The following KIF18A variants were observed in gnomAD, a reference collection of about 807,000 sequenced individuals.
KIF18A encodes kinesin family member 18A.
Under a neutral mutation model 103.3 loss-of-function variants are expected in KIF18A, and 67 were observed. The observed-to-expected ratio is 0.65, with a 90% CI of 0.53 to 0.79. The LOEUF (loss-of-function observed/expected upper bound fraction) is 0.79, where lower values mean the gene tolerates loss of function less well. KIF18A is among the 30% of genes least tolerant of loss of function. The pLI is 0.00. For synonymous variants in KIF18A, 367 were observed against 355.5 expected, an observed-to-expected ratio of 1.03 and a Z score of -0.36; for missense variants, 1,032 against 1,062.5, an observed-to-expected ratio of 0.97 and a Z score of 0.40.
At chr11:28,070,496 T>C (rs899711638) in intron 10 of KIF18A, among the ~76,000 whole-genome samples, 2 of 152,192 alleles carry the variant, frequency 1.3e-5, no homozygotes, top group Non-Finnish European at 2.9e-5. Flanking sequence ...GCAGATTCCA[T>C]TTCAGGCTAG....
chr11:28,097,603 T>G lies in KIF18A; in HGVS notation c.325+20A>C. On this transcript the variant is annotated intron_variant, in intron 2 of 16. Transcript: ENST00000263181. ...AGTGAAATCGGATAGAGAAATTAAA[T>G]CCCAAATTGAAACAAATACCTGTGC... 1 of 1,467,352 alleles carries G rather than the reference T, an allele frequency of 6.8e-7. No individual in the cohort carries two copies. The highest frequency in any genetic ancestry group is 9.6e-7 in the Non-Finnish European group (1 of 1,047,042). The allele number at this position is 1,467,352 out of a possible 1,614,324, so 90.9% of individuals were successfully genotyped here.
chr11:28,093,665 G>T (rs1048558392), intron 3 of KIF18A, among the ~76,000 whole-genome samples: 1 of 152,006 alleles, frequency 6.6e-6, no homozygotes, highest in Non-Finnish European at 1.5e-5. Context: ...TACAGAAAGG[G>T]ATTATAATCT....
chr11:28,065,213 G>C (rs1259893369), intron 11 of KIF18A, among the ~76,000 whole-genome samples: 1 of 152,038 alleles, frequency 6.6e-6, no homozygotes, highest in Non-Finnish European at 1.5e-5. Context: ...CTGGGTATCT[G>C]TCCAGAGTTG....
intron 13 of KIF18A, among the ~76,000 whole-genome samples, chr11:28,058,661 C>T (rs1266021703): frequency 3.3e-5 from 1 of 30,132 alleles, no homozygotes; most frequent in African/African-American, 1.5e-4. Flanking sequence ...GACCCTGTCA[C>T]CAAAAAAAAA....
intron 10 of KIF18A, 34 bp downstream of exon 10, chr11:28,076,973 C>T (rs1304907623): frequency 2.1e-5 from 11 of 526,070 alleles, no homozygotes; most frequent in South Asian, 1.6e-4. Context: ...TGTTTTTATA[C>T]TTTCTAAAAT....
chr11:28,034,357 G>T (rs1850451936), intron 15 of KIF18A, among the ~76,000 whole-genome samples: 1 of 151,626 alleles, frequency 6.6e-6, no homozygotes, highest in South Asian at 2.1e-4. Context: ...AAATCACCTT[G>T]ATCCAATCAA....
rs1383377529 is a variant in KIF18A at position 28,030,672 on chromosome 11, T to C, written c.2504+4715A>G. On this transcript the variant is annotated intron_variant, in intron 15 of 16. Transcript: ENST00000263181. ...AAAGCAATGGCAACAAAAGCCAAAATTGACAAATGGGATCTAATTAAACTA... is the reference window on the plus strand; with the variant it reads ...AAAGCAATGGCAACAAAAGCCAAAACTGACAAATGGGATCTAATTAAACTA... Among the ~76,000 whole-genome samples the C allele has an allele frequency of 4.0e-5, 6 of 151,486 alleles. No individual in the cohort carries two copies. In the South Asian group the frequency reaches 1.0e-3, roughly 26 times the overall value.
chr11:28,084,532 C>T (rs1851202864), intron 7 of KIF18A, 100 bp downstream of exon 7: 4 of 966,404 alleles, frequency 4.1e-6, no homozygotes, highest in Non-Finnish European at 1.5e-6. Flanking sequence ...CTGCCTAACT[C>T]ATTATGTAGA....
Position 28,023,935 on chromosome 11 carries a change from A to G in KIF18A, c.2505-85T>C, listed in dbSNP as rs764040470. 3.9e-5 allele frequency: 22 copies of G among 563,172 alleles called. 2 individuals carry two copies. The South Asian group carries it at 6.5e-4, about 17-fold the overall frequency. 34.9% of individuals were successfully genotyped at this position (563,172 alleles called of 1,614,324 possible). A position where few individuals can be genotyped will look rare whatever the true frequency, so the allele number is the denominator to read the frequency against. On this transcript the variant is annotated intron_variant, in intron 15 of 16. Coordinates refer to ENST00000263181, the MANE Select transcript of KIF18A (RefSeq NM_031217.4). Reference sequence around the variant, plus strand: ...ACATATTGTACATGCGACAATGATTAAAGAAATAAAACACAAAAATATTAA... The same window carrying G: ...ACATATTGTACATGCGACAATGATTGAAGAAATAAAACACAAAAATATTAA...
intron 13 of KIF18A, among the ~76,000 whole-genome samples, chr11:28,037,927 G>C (rs1423395427): frequency 1.3e-5 from 2 of 151,342 alleles, no homozygotes; most frequent in African/African-American, 2.4e-5. Flanking sequence ...TAGTTGCCTT[G>C]TTCTACACAG....
intron 4 of KIF18A, 133 bp downstream of exon 4, chr11:28,091,276 C>A: frequency 2.8e-5 from 15 of 535,994 alleles, no homozygotes; most frequent in Middle Eastern, 3.1e-4. Flanking sequence ...AAAAATATAC[C>A]CTAATCATTT....
rs553640451 is a variant in KIF18A at position 28,026,982 on chromosome 11, T to A, written c.2505-3132A>T. The stretch of plus-strand genomic sequence containing the variant: ...AGATGAGACATTTAGGAAAAATCCA[T>A]AAATTTTAAATTTACACATTCCAAG... On this transcript the variant is annotated intron_variant, in intron 15 of 16. Transcript: ENST00000263181. Among the ~76,000 whole-genome samples the A allele has an allele frequency of 4.4e-3, 671 of 151,868 alleles. 5 individuals are homozygous for A. The highest frequency in any genetic ancestry group is 0.014 in the African/African-American group (579 of 41,518).
chr11:28,057,395 G>C (rs1476165966), intron 13 of KIF18A, among the ~76,000 whole-genome samples: 1 of 152,058 alleles, frequency 6.6e-6, no homozygotes, highest in Non-Finnish European at 1.5e-5. Context: ...GGCACCTGTA[G>C]TCCCAGCTTC....
intron 4 of KIF18A, 104 bp from the exon 5 acceptor site, chr11:28,090,831 G>T: frequency 1.6e-6 from 1 of 636,776 alleles, no homozygotes; most frequent in Non-Finnish European, 2.8e-6. Flanking sequence ...AAAAGAAAAT[G>T]TTTTCTATAA....
rs758455867 is a variant in KIF18A, at chr11:28,090,703, G to T, written c.613C>A (p.His205Asn). Residue 205 changes from histidine (H) to asparagine (N), a missense_variant, in exon 5 of 17, where the codon CAT (histidine) becomes AAT (asparagine). By Grantham distance (68) the His-to-Asn change is moderately conservative (BLOSUM62 1). Coordinates refer to ENST00000263181, the MANE Select transcript of KIF18A (RefSeq NM_031217.4). ...TTTTTGTTTCCATTATCCAATAAAT[G>T]TAAAATTTCTTCTGAGGATTTGGGC... The part of the protein sequence containing the change: ...HQPKSSEEIL[H>N]LLDNGNKNRT... The T allele has an allele frequency of 6.2e-7, 1 of 1,603,874 alleles. No individual in the cohort carries two copies. The highest frequency in any genetic ancestry group is 1.3e-5 in the African/African-American group (1 of 74,754).
In KIF18A at chr11:28,059,163, T is replaced by C. The variant is rs1171797751; in HGVS notation, c.1713-2A>G. ...GTTGGAAGTAAAGCATTCAATACTC[T>C]ATATACAGAAGATGAGAAGAAAGGA... is the stretch of plus-strand genomic sequence containing the variant. On this transcript the variant is annotated splice_acceptor_variant, in intron 12 of 16. Transcript: ENST00000263181. LOFTEE classifies it high-confidence loss of function. 20 of 1,582,160 alleles carry C rather than the reference T, an allele frequency of 1.3e-5. No homozygotes were observed. The highest frequency in any genetic ancestry group is 1.7e-5 in the Non-Finnish European group (20 of 1,152,298).
At chr11:28,046,411 T>A (rs996575351) in intron 13 of KIF18A, among the ~76,000 whole-genome samples, 7 of 147,414 alleles carry the variant, frequency 4.7e-5, no homozygotes, top group African/African-American at 1.3e-4. Flanking sequence ...ATGGATGAAA[T>A]TGGAAATCAT....
chr11:28,021,697 A>C (rs1034947031), intron 16 of KIF18A, among the ~76,000 whole-genome samples: 1 of 152,182 alleles, frequency 6.6e-6, no homozygotes, highest in Admixed American at 6.5e-5. Flanking sequence ...TTTTAAAATT[A>C]TCATTTGCAT....
At chr11:28,071,766 G>A (rs929300488) in intron 10 of KIF18A, among the ~76,000 whole-genome samples, 1 of 152,116 alleles carries the variant, frequency 6.6e-6, no homozygotes, top group Admixed American at 6.6e-5. Context: ...TTCAGCAGAT[G>A]TAAAAATTTA....
Sources: gnomAD v4.1 joint callset for allele counts (sites outside exome capture counted in the v4.1 genomes callset) on GRCh38, gnomAD v4.1.1 for gene constraint, MANE v1.5 for transcripts, NCBI Gene and HGNC (gene_info 2026-07-23, HGNC 2026-07-21) for gene names.